SEMA4F: variants seen among roughly 807,000 people sequenced by gnomAD.
SEMA4F encodes the protein ssemaphorin 4F, also known as semaphorin-4F.
A neutral mutation model predicts 78.4 loss-of-function variants in SEMA4F; 51 were observed. That is an observed-to-expected ratio of 0.65 (90% confidence interval 0.52 to 0.82). SEMA4F has a LOEUF of 0.82. Ranked by LOEUF, SEMA4F falls within the 40% of genes least tolerant of loss-of-function variation. The probability of loss-of-function intolerance (pLI) is 0.00; values close to 1 mark genes in which losing one functional copy is unlikely to be tolerated. For missense variants in SEMA4F, 938 were observed against 1,014.4 expected, an observed-to-expected ratio of 0.92 and a Z score of 1.02; for synonymous variants, 418 against 408.7, an observed-to-expected ratio of 1.02 and a Z score of -0.27.
downstream of SEMA4F, among the ~76,000 whole-genome samples, chr2:74,684,831 C>T (rs1392233003): frequency 2.0e-5 from 3 of 152,124 alleles, no homozygotes; most frequent in Non-Finnish European, 4.4e-5. Context: ...GGGATGGTGG[C>T]GCATGCCTGT....
the SEMA4F span, among the ~76,000 whole-genome samples, chr2:74,703,544 C>G: frequency 2.0e-5 from 3 of 152,298 alleles, no homozygotes; most frequent in African/African-American, 7.2e-5. Context: ...GCTTGTGTTG[C>G]AATGGGCCAA....
chr2:74,699,440 C>T, the SEMA4F span, among the ~76,000 whole-genome samples: 1 of 152,224 alleles, frequency 6.6e-6, no homozygotes, highest in Non-Finnish European at 1.5e-5. Flanking sequence ...CTATCCCCTA[C>T]ACCCACATGC....
At chr2:74,674,837 T>A in intron 8 of SEMA4F, 51 bp from the exon 9 acceptor site, 1 of 1,593,218 alleles carries the variant, frequency 6.3e-7, no homozygotes, top group Non-Finnish European at 8.6e-7. Context: ...AGGGATGAGT[T>A]GCTATCCCCC....
At chr2:74,690,176 C>G in the SEMA4F span, among the ~76,000 whole-genome samples, 2 of 152,192 alleles carry the variant, frequency 1.3e-5, no homozygotes, top group Admixed American at 1.3e-4. Context: ...GTAATAACCC[C>G]AACTTGCTTG....
the SEMA4F span, among the ~76,000 whole-genome samples, chr2:74,699,215 G>A: frequency 6.6e-6 from 1 of 152,080 alleles, no homozygotes; most frequent in African/African-American, 2.4e-5. Context: ...ACTTCCAAAG[G>A]GTCTTCTTTA....
At chr2:74,665,235 T>C (rs1237255453) in intron 5 of SEMA4F, among the ~76,000 whole-genome samples, 2 of 149,904 alleles carry the variant, frequency 1.3e-5, no homozygotes, top group Non-Finnish European at 3.0e-5. Context: ...TTTCTTTTTT[T>C]TTTTTTTTTT....
intron 1 of SEMA4F, among the ~76,000 whole-genome samples, chr2:74,656,034 A>T (rs1420605647): frequency 6.7e-6 from 1 of 150,354 alleles, no homozygotes; most frequent in East Asian, 1.9e-4. Flanking sequence ...TTTGAAGCGG[A>T]GTCTTGCTCT....
At position 74,683,222 on chromosome 2, in the gene SEMA4F, G is replaced by A. The variant is rs1685715706; in HGVS notation, c.*3013G>A. 6.6e-6 allele frequency: 1 copy of A among 152,244 alleles called. No individual in the cohort carries two copies. Among genetic ancestry groups the A allele is most frequent in the Non-Finnish European group, 1.5e-5 (1 of 68,062 alleles). 9.4% of individuals were successfully genotyped at this position (152,244 alleles called of 1,614,324 possible). On this transcript the variant is annotated 3_prime_UTR_variant, in exon 14 of 14. Transcript: ENST00000357877. The stretch of plus-strand genomic sequence containing the variant: ...AAGGATGATTGGACCTGTCTAGTCA[G>A]GGAGGCTGAGGCCTCAGGCCTTCAT...
chr2:74,689,248 T>C, the SEMA4F span, among the ~76,000 whole-genome samples: 1 of 152,206 alleles, frequency 6.6e-6, no homozygotes, highest in Non-Finnish European at 1.5e-5. Context: ...ATGCCTCATT[T>C]TGTCTTTTGT....
At chr2:74,700,065 G>A in the SEMA4F span, among the ~76,000 whole-genome samples, 23 of 152,144 alleles carry the variant, frequency 1.5e-4, no homozygotes, top group African/African-American at 2.7e-4. Flanking sequence ...GAAGATATGC[G>A]GAGAATGGGA....
At chr2:74,705,137 T>G in the SEMA4F span, among the ~76,000 whole-genome samples, 1 of 152,140 alleles carries the variant, frequency 6.6e-6, no homozygotes, top group African/African-American at 2.4e-5. Context: ...AAAATAACAA[T>G]TAAATACCAT....
intron 5 of SEMA4F, among the ~76,000 whole-genome samples, chr2:74,664,546 T>C (rs1474866198): frequency 6.6e-6 from 1 of 152,186 alleles, no homozygotes; most frequent in East Asian, 1.9e-4. Context: ...CTGTTGCTAA[T>C]TGAGTTTCTA....
chr2:74,676,547 T>C (rs558116514), intron 12 of SEMA4F, among the ~76,000 whole-genome samples: 15 of 152,184 alleles, frequency 9.9e-5, no homozygotes, highest in Admixed American at 4.6e-4. Flanking sequence ...TCTCACATGC[T>C]CCTCCTCTGG....
chr2:74,681,084 C>G lies in SEMA4F; in HGVS notation c.*875C>G, dbSNP rs1381025853. On this transcript the variant is annotated 3_prime_UTR_variant, in exon 14 of 14. Coordinates refer to ENST00000357877, the MANE Select transcript of SEMA4F (RefSeq NM_004263.5). ...CACTGCCATGTCACAGCTGCTTTCT[C>G]TGGCTGGAGTGTAGGCTGTACCCCA... 1 of 152,786 alleles carries G rather than the reference C, an allele frequency of 6.5e-6. No individual in the cohort carries two copies. The highest frequency in any genetic ancestry group is 2.4e-5 in the African/African-American group (1 of 41,458). The allele number at this position is 152,786 out of a possible 1,614,324, so 9.5% of individuals were successfully genotyped here.
chr2:74,706,340 A>G, the SEMA4F span, among the ~76,000 whole-genome samples: 1 of 152,170 alleles, frequency 6.6e-6, no homozygotes, highest in Non-Finnish European at 1.5e-5. Flanking sequence ...AAATTTTTCC[A>G]TGACACCACA....
chr2:74,691,190 A>T, the SEMA4F span, among the ~76,000 whole-genome samples: 1 of 152,240 alleles, frequency 6.6e-6, no homozygotes, highest in African/African-American at 2.4e-5. Context: ...TGTGCTTTAA[A>T]TATATGAATA....
intron 5 of SEMA4F, among the ~76,000 whole-genome samples, chr2:74,663,685 G>A (rs1684539058): frequency 6.6e-6 from 1 of 152,146 alleles, no homozygotes; most frequent in Non-Finnish European, 1.5e-5. Context: ...CAGATCTTTT[G>A]TGAACTCAGA....
intron 12 of SEMA4F, among the ~76,000 whole-genome samples, chr2:74,676,970 C>G (rs1010888316): frequency 6.6e-6 from 1 of 152,118 alleles, no homozygotes; most frequent in Non-Finnish European, 1.5e-5. Flanking sequence ...GACGCCATCT[C>G]GGCTCACTGC....
the SEMA4F span, among the ~76,000 whole-genome samples, chr2:74,689,915 C>G: frequency 6.6e-6 from 1 of 152,218 alleles, no homozygotes; most frequent in African/African-American, 2.4e-5. Context: ...ACCGAGCAGC[C>G]TCCTGTCCTG....
Sources: allele counts gnomAD v4.1 joint callset (sites outside exome capture counted in the v4.1 genomes callset), GRCh38; gene constraint gnomAD v4.1.1; transcripts MANE v1.5; gene names NCBI Gene and HGNC (gene_info 2026-07-23, HGNC 2026-07-21).